CSMD1: variants seen among roughly 807,000 people sequenced by gnomAD.
CSMD1 encodes CUB and Sushi multiple domains 1, also known as CUB and sushi domain-containing protein 1.
Under a neutral mutation model 417.5 loss-of-function variants are expected in CSMD1, and 213 were observed. The ratio of observed to expected loss-of-function variants is 0.51; its 90% CI spans 0.46 to 0.57. The LOEUF (loss-of-function observed/expected upper bound fraction) is 0.57, where lower values mean the gene tolerates loss of function less well. Ranked by LOEUF, CSMD1 falls within the 20% of genes least tolerant of loss-of-function variation. The pLI is 0.00. For missense variants in CSMD1, 6,923 were observed against 4,529.7 expected, an observed-to-expected ratio of 1.53 and a Z score of -15.17; for synonymous variants, 2,862 against 1,736.8, an observed-to-expected ratio of 1.65 and a Z score of -16.11.
chr8:3,799,231 GT>G (rs973760491), intron 5 of CSMD1, among the ~76,000 whole-genome samples: 6 of 151,282 alleles, frequency 4.0e-5, no homozygotes, highest in Admixed American at 6.6e-5. Flanking sequence ...TGATTCTACA[GT>G]TTTTTTTCTT....
intron 3 of CSMD1, among the ~76,000 whole-genome samples, chr8:4,237,128 C>G (rs188823751): frequency 5.9e-5 from 9 of 152,164 alleles, no homozygotes; most frequent in African/African-American, 2.2e-4. Flanking sequence ...CTACTTTGCA[C>G]GGAAGCCCTA....
intron 3 of CSMD1, among the ~76,000 whole-genome samples, chr8:4,070,869 C>A (rs1392663807): frequency 6.6e-6 from 1 of 152,184 alleles, no homozygotes; most frequent in South Asian, 2.1e-4. Context: ...GTTGACAGTT[C>A]CTTTTTGCTT....
intron 2 of CSMD1, among the ~76,000 whole-genome samples, chr8:4,452,991 G>GT: frequency 6.6e-6 from 1 of 152,242 alleles, no homozygotes; most frequent in East Asian, 1.9e-4. Context: ...TGCAGAGACT[G>GT]TTTCCCACAG....
chr8:3,234,231 T>C (rs1194245692), intron 26 of CSMD1, among the ~76,000 whole-genome samples: 1 of 152,182 alleles, frequency 6.6e-6, no homozygotes, highest in African/African-American at 2.4e-5. Flanking sequence ...CAACCGGGAT[T>C]CCTTATTTTG....
intron 5 of CSMD1, among the ~76,000 whole-genome samples, chr8:3,780,997 T>C (rs1277843988): frequency 2.0e-5 from 3 of 152,206 alleles, no homozygotes; most frequent in Non-Finnish European, 4.4e-5. Context: ...TGACATTTTG[T>C]GTGACTCCTT....
intron 58 of CSMD1, 68 bp downstream of exon 58, chr8:2,966,502 C>A (rs943145773): frequency 2.1e-6 from 3 of 1,434,246 alleles, no homozygotes; most frequent in South Asian, 2.5e-5. Context: ...ACCTTAAAGT[C>A]ATTTTTTTTC....
intron 3 of CSMD1, among the ~76,000 whole-genome samples, chr8:4,327,780 A>G (rs1799643239): frequency 1.3e-5 from 2 of 152,330 alleles, no homozygotes; most frequent in African/African-American, 4.8e-5. Context: ...TAATCATAAA[A>G]CCAAATGTAA....
At chr8:3,555,885 G>C (rs1230839238) in intron 10 of CSMD1, among the ~76,000 whole-genome samples, 1 of 152,012 alleles carries the variant, frequency 6.6e-6, no homozygotes, top group African/African-American at 2.4e-5. Context: ...TACTGTTTAG[G>C]GTTCCAGAAG....
At chr8:4,236,035 G>GTTTTTTTTTTTTTTTTTTTTTTTT (rs869046913) in intron 3 of CSMD1, among the ~76,000 whole-genome samples, 2 of 112,612 alleles carry the variant, frequency 1.8e-5, no homozygotes, top group African/African-American at 7.8e-5. Context: ...TGTTTTTTTT[G>GTTTTTTTTTTTTTTTTTTTTTTTT]TTTGTTTTTT....
chr8:4,970,857 A>C (rs954980773), intron 1 of CSMD1, among the ~76,000 whole-genome samples: 3 of 151,984 alleles, frequency 2.0e-5, no homozygotes, highest in Non-Finnish European at 4.4e-5. Context: ...AGATTTTGAA[A>C]ATTTTTTCAG....
chr8:4,316,840 G>A (rs1467191698), intron 3 of CSMD1, among the ~76,000 whole-genome samples: 1 of 152,070 alleles, frequency 6.6e-6, no homozygotes, highest in Non-Finnish European at 1.5e-5. Flanking sequence ...AAAATAATTG[G>A]TAGCTGCTTC....
At chr8:3,774,474 T>A (rs1437141692) in intron 5 of CSMD1, among the ~76,000 whole-genome samples, 1 of 152,172 alleles carries the variant, frequency 6.6e-6, no homozygotes, top group Non-Finnish European at 1.5e-5. Context: ...GCCTGGCTCA[T>A]AGGACAGAGA....
chr8:4,640,503 G>C (rs1420793526), intron 1 of CSMD1, among the ~76,000 whole-genome samples: 1 of 152,144 alleles, frequency 6.6e-6, no homozygotes, highest in South Asian at 2.1e-4. Flanking sequence ...TAATATGGTA[G>C]TCCTCTTTTC....
intron 3 of CSMD1, among the ~76,000 whole-genome samples, chr8:4,225,920 TTC>T (rs1801320218): frequency 6.6e-6 from 1 of 152,202 alleles, no homozygotes; most frequent in African/African-American, 2.4e-5. Flanking sequence ...GTCTAATAAT[TTC>T]TTATTTGGTA....
At chr8:3,383,055 C>A (rs920654588) in intron 18 of CSMD1, among the ~76,000 whole-genome samples, 1 of 152,046 alleles carries the variant, frequency 6.6e-6, no homozygotes, top group South Asian at 2.1e-4. Flanking sequence ...ATGTAGATAG[C>A]CAGATTGGAG....
chr8:4,067,980 G>C (rs897012019), intron 3 of CSMD1, among the ~76,000 whole-genome samples: 1 of 152,114 alleles, frequency 6.6e-6, no homozygotes. Flanking sequence ...GGGAGGCTGA[G>C]AAAGGAGAAT....
intron 3 of CSMD1, among the ~76,000 whole-genome samples, chr8:4,189,047 A>T (rs1798860340): frequency 6.6e-6 from 1 of 152,176 alleles, no homozygotes; most frequent in South Asian, 2.1e-4. Flanking sequence ...CCCAGGTTTT[A>T]TTTGTTATAA....
At chr8:3,976,868 T>C (rs968644535) in intron 5 of CSMD1, among the ~76,000 whole-genome samples, 6 of 152,166 alleles carry the variant, frequency 3.9e-5, no homozygotes, top group Non-Finnish European at 5.9e-5. Context: ...TGACCAGCAC[T>C]AGCACTGAGA....
At chr8:3,569,411 A>T (rs185219292) in intron 10 of CSMD1, among the ~76,000 whole-genome samples, 37 of 152,328 alleles carry the variant, frequency 2.4e-4, no homozygotes, top group African/African-American at 7.9e-4. Flanking sequence ...CCGAGATAAG[A>T]CTAGGAAAGA....
Sources: allele counts gnomAD v4.1 joint callset (sites outside exome capture counted in the v4.1 genomes callset), GRCh38; gene constraint gnomAD v4.1.1; transcripts MANE v1.5; gene names NCBI Gene and HGNC (gene_info 2026-07-23, HGNC 2026-07-21).